Variants in ATL2 observed in about 807,000 individuals in gnomAD.
The protein encoded by ATL2 is atlastin-2.
In ATL2, 31 loss-of-function variants were observed where a neutral mutation model predicts 73.9. The ratio of observed to expected loss-of-function variants is 0.42; its 90% CI spans 0.32 to 0.57. The LOEUF is 0.57. ATL2 is among the 20% of genes least tolerant of loss of function. The probability of loss-of-function intolerance (pLI) is 0.14; values close to 1 mark genes in which losing one functional copy is unlikely to be tolerated. For synonymous variants in ATL2, 291 were observed against 237.5 expected, an observed-to-expected ratio of 1.23 and a Z score of -2.07; for missense variants, 738 against 702.6, an observed-to-expected ratio of 1.05 and a Z score of -0.57.
intron 1 of ATL2, among the ~76,000 whole-genome samples, chr2:38,353,862 C>T (rs542743865): frequency 6.6e-6 from 1 of 152,202 alleles, no homozygotes; most frequent in African/African-American, 2.4e-5. Context: ...TTCAGTGAAA[C>T]GATCATTCAA....
At chr2:38,328,459 G>C (rs1181118886) in intron 2 of ATL2, among the ~76,000 whole-genome samples, 1 of 152,124 alleles carries the variant, frequency 6.6e-6, no homozygotes, top group Non-Finnish European at 1.5e-5. Flanking sequence ...TTAAGGGATA[G>C]ATAATACAAA....
chr2:38,347,813 C>T (rs1373064527), intron 1 of ATL2, among the ~76,000 whole-genome samples: 1 of 145,066 alleles, frequency 6.9e-6, no homozygotes, highest in African/African-American at 2.6e-5. Context: ...GTCACCCAGG[C>T]TGGAGTGCAG....
chr2:38,375,642 AAG>A (rs1573612839), intron 1 of ATL2, among the ~76,000 whole-genome samples: 2 of 152,222 alleles, frequency 1.3e-5, no homozygotes, highest in Non-Finnish European at 1.5e-5. Flanking sequence ...AAAGGAAAGA[AAG>A]AAAGAGAAAG....
At chr2:38,362,719 C>G (rs772283175) in intron 1 of ATL2, among the ~76,000 whole-genome samples, 6 of 152,286 alleles carry the variant, frequency 3.9e-5, no homozygotes, top group Non-Finnish European at 8.8e-5. Context: ...AAATTAAGAA[C>G]AACAACAAAA....
chr2:38,340,549 T>C (rs1669655862), intron 2 of ATL2, among the ~76,000 whole-genome samples: 1 of 152,068 alleles, frequency 6.6e-6, no homozygotes, highest in South Asian at 2.1e-4. Flanking sequence ...TACTCACTAC[T>C]TTCATCAACT....
At chr2:38,346,528 T>C (rs1414571626) in intron 1 of ATL2, among the ~76,000 whole-genome samples, 1 of 152,214 alleles carries the variant, frequency 6.6e-6, no homozygotes, top group Non-Finnish European at 1.5e-5. Flanking sequence ...TCTGGTTTCA[T>C]GAAAGACAAG....
At chr2:38,324,192 C>T (rs568387983) in intron 2 of ATL2, among the ~76,000 whole-genome samples, 1 of 152,306 alleles carries the variant, frequency 6.6e-6, no homozygotes, top group East Asian at 1.9e-4. Context: ...GCAGGAAAAT[C>T]GCTTGAACCC....
At chr2:38,339,318 T>C (rs1487258370) in intron 2 of ATL2, among the ~76,000 whole-genome samples, 3 of 152,148 alleles carry the variant, frequency 2.0e-5, no homozygotes, top group Admixed American at 6.5e-5. Context: ...TATTCTGTAT[T>C]AGAGATCCTG....
intron 1 of ATL2, among the ~76,000 whole-genome samples, chr2:38,370,309 C>A (rs898774695): frequency 6.6e-6 from 1 of 151,018 alleles, no homozygotes; most frequent in Non-Finnish European, 1.5e-5. Flanking sequence ...ATTAGCCGGG[C>A]ACGGTGGCGG....
chr2:38,365,522 G>A (rs1671270230), intron 1 of ATL2, among the ~76,000 whole-genome samples: 1 of 152,164 alleles, frequency 6.6e-6, no homozygotes, highest in East Asian at 1.9e-4. Flanking sequence ...CAGGAGCAGT[G>A]ACTCACACCT....
chr2:38,312,565 G>T (rs1203378754), intron 7 of ATL2, among the ~76,000 whole-genome samples: 3 of 152,102 alleles, frequency 2.0e-5, no homozygotes, highest in African/African-American at 4.8e-5. Flanking sequence ...CAAAAAATAT[G>T]CCAGGCGTGG....
intron 7 of ATL2, among the ~76,000 whole-genome samples, chr2:38,311,965 C>T (rs968605144): frequency 1.3e-5 from 2 of 152,140 alleles, no homozygotes; most frequent in Non-Finnish European, 2.9e-5. Flanking sequence ...TCTGGAAATG[C>T]CTTTCAAATA....
At chr2:38,337,486 C>CA (rs755029194) in intron 2 of ATL2, among the ~76,000 whole-genome samples, 1,275 of 21,682 alleles carry the variant, frequency 0.059, 384 homozygotes, top group Middle Eastern at 0.19. Context: ...ACTCTGTCTC[C>CA]AAAAAAAAAA....
At chr2:38,333,780 A>G (rs1291376940) in intron 2 of ATL2, among the ~76,000 whole-genome samples, 2 of 152,198 alleles carry the variant, frequency 1.3e-5, no homozygotes, top group African/African-American at 4.8e-5. Context: ...CGTAACCAAG[A>G]AAGTCTCTCC....
chr2:38,347,348 T>G (rs968486791), intron 1 of ATL2, among the ~76,000 whole-genome samples: 1 of 152,150 alleles, frequency 6.6e-6, no homozygotes, highest in Admixed American at 6.5e-5. Flanking sequence ...GTTTCCCACC[T>G]TAGAATTTTT....
intron 6 of ATL2, 132 bp from the exon 7 acceptor site, chr2:38,313,375 G>A (rs1371941780): frequency 1.6e-6 from 1 of 627,550 alleles, no homozygotes; most frequent in Non-Finnish European, 2.7e-6. Context: ...TAACTAAATG[G>A]TCAGTACTGG....
intron 5 of ATL2, 49 bp downstream of exon 5, chr2:38,315,235 G>T: frequency 7.1e-7 from 1 of 1,412,034 alleles, no homozygotes; most frequent in South Asian, 1.6e-5. Context: ...TGGGGAACAA[G>T]AGCGAAACTC....
At chr2:38,312,634 G>A (rs191600375) in intron 7 of ATL2, among the ~76,000 whole-genome samples, 11 of 151,748 alleles carry the variant, frequency 7.2e-5, no homozygotes, top group South Asian at 6.3e-4. Flanking sequence ...GCTTGAACCC[G>A]GGAAGCGGAG....
chr2:38,323,579 G>C (rs527483034), intron 2 of ATL2, among the ~76,000 whole-genome samples: 4 of 152,004 alleles, frequency 2.6e-5, no homozygotes, highest in African/African-American at 9.7e-5. Context: ...ATAATTATCA[G>C]CAATTAAGAA....
Sources: gnomAD v4.1 joint callset for allele counts (sites outside exome capture counted in the v4.1 genomes callset) on GRCh38, gnomAD v4.1.1 for gene constraint, MANE v1.5 for transcripts, NCBI Gene and HGNC (gene_info 2026-07-23, HGNC 2026-07-21) for gene names.